The following SGCZ variants were observed in gnomAD, a reference collection of about 807,000 sequenced individuals.
SGCZ encodes the protein zeta-sarcoglycan.
A neutral mutation model predicts 41.3 loss-of-function variants in SGCZ; 40 were observed. That is an observed-to-expected ratio of 0.97 (90% CI 0.75 to 1.26). The LOEUF (loss-of-function observed/expected upper bound fraction) is 1.26. Ranked by LOEUF, SGCZ falls within the 50% of genes most tolerant of loss-of-function variation. The pLI, the probability that SGCZ is intolerant of heterozygous loss-of-function variation, is 0.00. For synonymous variants in SGCZ, 206 were observed against 137.5 expected (o/e 1.50, Z -3.49); for missense variants, 552 against 369.8 (o/e 1.49, Z -4.04).
chr8:14,393,016 A>G (rs1462230745), intron 2 of SGCZ, among the ~76,000 whole-genome samples: 2 of 152,148 alleles, frequency 1.3e-5, no homozygotes, highest in African/African-American at 4.8e-5. Context: ...TACTGGTAAT[A>G]CCCTCAGTAA....
intron 2 of SGCZ, among the ~76,000 whole-genome samples, chr8:14,532,750 C>G (rs17119704): frequency 0.44 from 65,306 of 147,710 alleles, 15,555 homozygotes; most frequent in Non-Finnish European, 0.53. Context: ...TACCATAATA[C>G]AATAAGTGAA....
chr8:14,585,033 A>T (rs577142220), intron 1 of SGCZ, among the ~76,000 whole-genome samples: 2 of 152,264 alleles, frequency 1.3e-5, no homozygotes, highest in African/African-American at 4.8e-5. Context: ...TAACTCATTC[A>T]ACTTACAGGA....
At chr8:14,884,922 T>G (rs1804732499) in intron 1 of SGCZ, among the ~76,000 whole-genome samples, 1 of 152,064 alleles carries the variant, frequency 6.6e-6, no homozygotes, top group Non-Finnish European at 1.5e-5. Context: ...CGCGTGTGTG[T>G]CCCCTCTCTC....
intron 6 of SGCZ, among the ~76,000 whole-genome samples, chr8:14,107,547 G>A (rs1229382984): frequency 6.6e-6 from 1 of 152,202 alleles, no homozygotes; most frequent in African/African-American, 2.4e-5. Flanking sequence ...CTTTCTCAGC[G>A]CCCTATTTGC....
chr8:14,910,401 T>C (rs1799248804), intron 1 of SGCZ, among the ~76,000 whole-genome samples: 1 of 152,078 alleles, frequency 6.6e-6, no homozygotes, highest in Non-Finnish European at 1.5e-5. Flanking sequence ...TCAGTGTTTG[T>C]AGCATTTACC....
intron 5 of SGCZ, among the ~76,000 whole-genome samples, chr8:14,149,887 C>G (rs572115903): frequency 2.0e-4 from 31 of 152,174 alleles, no homozygotes; most frequent in African/African-American, 7.2e-4. Context: ...CTACAGTGAA[C>G]TCATTTTCAA....
intron 1 of SGCZ, among the ~76,000 whole-genome samples, chr8:14,890,736 T>G (rs1227667597): frequency 1.3e-5 from 2 of 152,204 alleles, no homozygotes; most frequent in Non-Finnish European, 1.5e-5. Flanking sequence ...AAGATGCCAT[T>G]TAAGACTTTC....
intron 1 of SGCZ, among the ~76,000 whole-genome samples, chr8:15,203,001 T>C (rs987163767): frequency 4.6e-5 from 7 of 151,976 alleles, no homozygotes; most frequent in Admixed American, 1.3e-4. Context: ...TTCCAGCTAC[T>C]TGGGAGGCTG....
At chr8:14,396,865 T>A (rs1798934813) in intron 2 of SGCZ, among the ~76,000 whole-genome samples, 1 of 152,114 alleles carries the variant, frequency 6.6e-6, no homozygotes, top group African/African-American at 2.4e-5. Flanking sequence ...AGCATTATTG[T>A]GCATTTAAAA....
At chr8:14,500,240 G>A (rs1216277275) in intron 2 of SGCZ, among the ~76,000 whole-genome samples, 1 of 152,034 alleles carries the variant, frequency 6.6e-6, no homozygotes, top group African/African-American at 2.4e-5. Flanking sequence ...AAAATCAGAT[G>A]TAATGTAGTT....
At chr8:14,961,817 G>A (rs575276054) in intron 1 of SGCZ, among the ~76,000 whole-genome samples, 1 of 152,044 alleles carries the variant, frequency 6.6e-6, no homozygotes, top group Non-Finnish European at 1.5e-5. Flanking sequence ...GGTAGTACAG[G>A]ATCACTCAAC....
chr8:14,246,867 GCCACTGCA>G (rs1563210141), intron 3 of SGCZ, among the ~76,000 whole-genome samples: 1 of 134,190 alleles, frequency 7.5e-6, no homozygotes. Flanking sequence ...CCGAGATCGC[GCCACTGCA>G]CTCCAGCCTG....
intron 2 of SGCZ, among the ~76,000 whole-genome samples, chr8:14,421,178 G>C (rs965272839): frequency 6.6e-6 from 1 of 151,976 alleles, no homozygotes; most frequent in Admixed American, 6.6e-5. Flanking sequence ...TAACATTCTT[G>C]TACATGGAAT....
intron 1 of SGCZ, among the ~76,000 whole-genome samples, chr8:15,094,617 C>A (rs1002140803): frequency 6.6e-6 from 1 of 152,116 alleles, no homozygotes; most frequent in African/African-American, 2.4e-5. Flanking sequence ...GTCTCTGGAG[C>A]CCAGTAAGCT....
At chr8:14,541,799 T>A (rs185117886) in intron 2 of SGCZ, among the ~76,000 whole-genome samples, 1 of 152,194 alleles carries the variant, frequency 6.6e-6, no homozygotes, top group East Asian at 1.9e-4. Flanking sequence ...ATCTGTTGTT[T>A]CCTGACTTTT....
chr8:14,771,152 G>C (rs977261279), intron 1 of SGCZ, among the ~76,000 whole-genome samples: 2 of 151,612 alleles, frequency 1.3e-5, no homozygotes, highest in Non-Finnish European at 3.0e-5. Flanking sequence ...TTTTTAGATG[G>C]GGACAGAACT....
intron 1 of SGCZ, among the ~76,000 whole-genome samples, chr8:14,852,771 T>A (rs1803380645): frequency 1.3e-5 from 2 of 152,204 alleles, no homozygotes; most frequent in South Asian, 2.1e-4. Flanking sequence ...ACAAAAAATT[T>A]TCTTTGGCTC....
chr8:14,148,645 T>G (rs1193554553), intron 5 of SGCZ, among the ~76,000 whole-genome samples: 1 of 152,124 alleles, frequency 6.6e-6, no homozygotes, highest in Non-Finnish European at 1.5e-5. Flanking sequence ...ACTCAAACTA[T>G]TCCAGGAAAT....
intron 2 of SGCZ, among the ~76,000 whole-genome samples, chr8:14,423,288 T>A (rs916809317): frequency 6.6e-6 from 1 of 151,496 alleles, no homozygotes; most frequent in African/African-American, 2.4e-5. Context: ...ATTGTGCACA[T>A]GTACCCTAAA....
Sources: gnomAD v4.1 joint callset for allele counts (sites outside exome capture counted in the v4.1 genomes callset) on GRCh38, gnomAD v4.1.1 for gene constraint, MANE v1.5 for transcripts, NCBI Gene and HGNC (gene_info 2026-07-23, HGNC 2026-07-21) for gene names.